CACNA2D1: variants seen among roughly 807,000 people sequenced by gnomAD.
CACNA2D1 encodes the protein voltage-dependent calcium channel subunit alpha-2/delta-1.
In CACNA2D1, 53 loss-of-function variants were observed where a neutral mutation model predicts 171.5. That is an observed-to-expected ratio of 0.31 (90% CI 0.25 to 0.39). CACNA2D1 has a LOEUF of 0.39. CACNA2D1 is among the 10% of genes least tolerant of loss of function. The pLI is 1.00. For missense variants in CACNA2D1, 903 were observed against 1,299.8 expected (o/e 0.69, Z 4.69); for synonymous variants, 442 against 443.1 (o/e 1.00, Z 0.03).
chr7:82,307,181 A>G (rs1585422653), intron 3 of CACNA2D1, among the ~76,000 whole-genome samples: 1 of 152,234 alleles, frequency 6.6e-6, no homozygotes, highest in East Asian at 1.9e-4. Context: ...GTGTGGGAAT[A>G]GAGTCTTGTT....
At chr7:81,989,673 T>C (rs1243393371) in intron 21 of CACNA2D1, among the ~76,000 whole-genome samples, 2 of 152,198 alleles carry the variant, frequency 1.3e-5, no homozygotes, top group Non-Finnish European at 2.9e-5. Flanking sequence ...GTGAGCATTT[T>C]ACTTCAGTCA....
At position 81,961,906 on chromosome 7, in the gene CACNA2D1, C is replaced by A; in HGVS notation, c.2954G>T (p.Gly985Val). The change falls in exon 36 of 39, where the codon GGA (glycine) becomes GTA (valine). Residue 985 changes from glycine (G) to valine (V), a missense_variant. Physicochemically the swap from Gly to Val is moderately radical, Grantham distance 109 (BLOSUM62 -3). Coordinates refer to ENST00000356860, the MANE Select transcript of CACNA2D1 (RefSeq NM_000722.4). ...SKSFSGVLDCGNCSRIFHGEK... is the reference protein window; with the variant it reads ...SKSFSGVLDCVNCSRIFHGEK... ...ATAAATAAATTACCTGGAACAGTTT[C>A]CACAGTCTAATACACCACTGAATGA... 6.2e-7 allele frequency: 1 copy of A among 1,608,992 alleles called. No homozygotes were observed. The highest frequency in any genetic ancestry group is 1.1e-5 in the South Asian group (1 of 90,982).
At chr7:82,081,620 A>G (rs1418793437) in intron 7 of CACNA2D1, among the ~76,000 whole-genome samples, 1 of 152,160 alleles carries the variant, frequency 6.6e-6, no homozygotes, top group African/African-American at 2.4e-5. Context: ...AGGTATTGTG[A>G]GTGGGCACAT....
chr7:82,287,250 C>T (rs1472170163), intron 3 of CACNA2D1, among the ~76,000 whole-genome samples: 1 of 135,680 alleles, frequency 7.4e-6, no homozygotes, highest in Admixed American at 7.3e-5. Flanking sequence ...CTTTTGGCTT[C>T]TTCTTTTCTT....
chr7:82,096,057 G>T (rs258661), intron 6 of CACNA2D1, among the ~76,000 whole-genome samples: 5 of 151,934 alleles, frequency 3.3e-5, no homozygotes, highest in Non-Finnish European at 7.4e-5. Flanking sequence ...TCTCATTTCT[G>T]TCAGACATTC....
intron 3 of CACNA2D1, among the ~76,000 whole-genome samples, chr7:82,300,056 T>A (rs1214606049): frequency 1.3e-5 from 2 of 152,100 alleles, no homozygotes; most frequent in Non-Finnish European, 2.9e-5. Flanking sequence ...CTGAAGATAA[T>A]ACAGGTAGGT....
chr7:82,036,565 C>A (rs1195707301), intron 11 of CACNA2D1, among the ~76,000 whole-genome samples: 1 of 152,086 alleles, frequency 6.6e-6, no homozygotes, highest in Non-Finnish European at 1.5e-5. Flanking sequence ...CTGTGCTGTC[C>A]CAGGGAACAC....
intron 12 of CACNA2D1, among the ~76,000 whole-genome samples, chr7:82,024,223 C>T (rs1473940888): frequency 2.0e-5 from 3 of 151,326 alleles, no homozygotes; most frequent in Admixed American, 6.6e-5. Context: ...TTTGAGGGAC[C>T]TCCATATTAT....
At chr7:81,970,098 G>T in intron 27 of CACNA2D1, 114 bp from the exon 28 acceptor site, 2 of 717,688 alleles carry the variant, frequency 2.8e-6, no homozygotes, top group South Asian at 2.9e-5. Context: ...TATGTCTAAA[G>T]AAGTTAGTGG....
intron 1 of CACNA2D1, among the ~76,000 whole-genome samples, chr7:82,364,893 G>A (rs1189461430): frequency 2.0e-5 from 3 of 152,092 alleles, no homozygotes; most frequent in Non-Finnish European, 1.5e-5. Context: ...TGTGTTCATC[G>A]CAATGTCTTT....
At chr7:82,046,806 T>TCA (rs1162304099) in intron 10 of CACNA2D1, among the ~76,000 whole-genome samples, 1 of 152,178 alleles carries the variant, frequency 6.6e-6, no homozygotes, top group Non-Finnish European at 1.5e-5. Flanking sequence ...ATCAAACATT[T>TCA]CAATAAATAT....
chr7:82,178,534 A>G (rs185399588), intron 3 of CACNA2D1, among the ~76,000 whole-genome samples: 1 of 152,192 alleles, frequency 6.6e-6, no homozygotes, highest in African/African-American at 2.4e-5. Flanking sequence ...AACCCCTCCA[A>G]TCCCACCATC....
intron 6 of CACNA2D1, among the ~76,000 whole-genome samples, chr7:82,089,124 T>C (rs1810828150): frequency 6.6e-6 from 1 of 152,170 alleles, no homozygotes; most frequent in South Asian, 2.1e-4. Flanking sequence ...ATATTATTTA[T>C]TATATATTGA....
At chr7:82,231,708 G>A (rs12707484) in intron 3 of CACNA2D1, among the ~76,000 whole-genome samples, 36,735 of 151,776 alleles carry the variant, frequency 0.24, 5,522 homozygotes, top group East Asian at 0.48. Context: ...ATCCCATATG[G>A]AAAGAACAAA....
Position 81,997,162 on chromosome 7 carries a change from T to C in CACNA2D1, c.1662+17A>G, listed in dbSNP as rs558261918. 9.3e-5 allele frequency: 137 copies of C among 1,471,970 alleles called. 1 individual carries two copies. In the South Asian group the frequency reaches 1.5e-3, roughly 16 times the overall value. The allele number at this position is 1,471,970 out of a possible 1,614,324, so 91.2% of individuals were successfully genotyped here. On this transcript the variant is annotated intron_variant, in intron 19 of 38. Transcript: ENST00000356860. ...ATCTGACCTGAGGAATTGTTTAGTC[T>C]TACTGATTCCACTCACCTCCACTTT...
chr7:82,393,103 CAGGCAGGCAGGGAGGGAGGGAGGG>C (rs1282492857), intron 1 of CACNA2D1, among the ~76,000 whole-genome samples: 38 of 93,330 alleles, frequency 4.1e-4, no homozygotes, highest in Admixed American at 6.5e-4. Context: ...GGCAGGCAGG[CAGGCAGGCAGGGAGGGAGGGAGGG>C]AGGCAGGCAG....
intron 1 of CACNA2D1, among the ~76,000 whole-genome samples, chr7:82,388,493 T>C (rs1041462842): frequency 2.6e-5 from 4 of 152,204 alleles, no homozygotes; most frequent in African/African-American, 9.6e-5. Context: ...AGGAAGGTCA[T>C]AGTATCTCTG....
Position 81,967,193 on chromosome 7 carries a change from A to G in CACNA2D1, c.2478T>C (p.Val826=), listed in dbSNP as rs767560716. The G allele has an allele frequency of 1.2e-6, 2 of 1,608,704 alleles. No homozygotes were observed. The highest frequency in any genetic ancestry group is 4.5e-5 in the East Asian group (2 of 44,624). The change falls in exon 31 of 39, where the codon GTT becomes GTC. Residue 826 remains valine (V), a synonymous_variant. Coordinates refer to ENST00000356860, the MANE Select transcript of CACNA2D1 (RefSeq NM_000722.4). ...CGTCACTGTTTCTTTTGCAGTCACA[A>G]ACTGGACCAGCACACTGAAAGACAA... The part of the protein sequence containing the change: ...TSIRDPCAGP[V]CDCKRNSDVM...
chr7:82,155,704 A>G (rs17155940), intron 4 of CACNA2D1, among the ~76,000 whole-genome samples: 49,739 of 152,032 alleles, frequency 0.33, 9,787 homozygotes, highest in East Asian at 0.5. Context: ...AAATCTCCCT[A>G]CTACTAGCCA....
Sources: allele counts gnomAD v4.1 joint callset (sites outside exome capture counted in the v4.1 genomes callset), GRCh38; gene constraint gnomAD v4.1.1; transcripts MANE v1.5; gene names NCBI Gene and HGNC (gene_info 2026-07-23, HGNC 2026-07-21).